The following SND1 variants were observed in gnomAD, a reference collection of about 807,000 sequenced individuals.
SND1 encodes staphylococcal nuclease and tudor domain containing 1.
Under a neutral mutation model 121.7 loss-of-function variants are expected in SND1, and 38 were observed. The ratio of observed to expected loss-of-function variants is 0.31; its 90% CI spans 0.24 to 0.41. The LOEUF (loss-of-function observed/expected upper bound fraction) is 0.41. Ranked by LOEUF, SND1 falls within the 10% of genes least tolerant of loss-of-function variation. The probability of loss-of-function intolerance (pLI) is 1.00; values close to 1 mark genes in which losing one functional copy is unlikely to be tolerated. For missense variants in SND1, 868 were observed against 1,184.6 expected, an observed-to-expected ratio of 0.73 and a Z score of 3.92; for synonymous variants, 401 against 447.4, an observed-to-expected ratio of 0.90 and a Z score of 1.31.
chr7:127,801,886 C>A lies in SND1; in HGVS notation c.1153-5598C>A, dbSNP rs10228070. On this transcript the variant is annotated intron_variant, in intron 10 of 23. Coordinates refer to ENST00000354725, the MANE Select transcript of SND1 (RefSeq NM_014390.4). The stretch of plus-strand genomic sequence containing the variant: ...AGACAGAGTCTTGCTCTGTCGCCCC[C>A]GCTGGAGTGCAGTGGCGCGATCTCA... Among the ~76,000 whole-genome samples, 6 of 152,016 alleles carry A rather than the reference C, an allele frequency of 3.9e-5. No individual in the cohort carries two copies. In the East Asian group the frequency reaches 7.7e-4, roughly 20 times the overall value.
intron 10 of SND1, among the ~76,000 whole-genome samples, chr7:127,741,590 A>ACTAT (rs2116435362): frequency 1.3e-5 from 2 of 152,222 alleles, no homozygotes; most frequent in African/African-American, 4.8e-5. Context: ...TTGCTTGGTG[A>ACTAT]GGTGCTTCTC....
chr7:127,732,028 G>A (rs1252438577), intron 10 of SND1, among the ~76,000 whole-genome samples: 1 of 152,212 alleles, frequency 6.6e-6, no homozygotes. Context: ...AGTGGAGTGT[G>A]CTCCTGTGGG....
intron 10 of SND1, among the ~76,000 whole-genome samples, chr7:127,765,557 T>C (rs2116486037): frequency 6.6e-6 from 1 of 152,382 alleles, no homozygotes; most frequent in East Asian, 1.9e-4. Flanking sequence ...TCTCAATCTC[T>C]TGTAAGTGCT....
rs1563070280 is a variant in SND1, at chr7:127,956,878, A to G, written c.1669+27549A>G. 2.6e-5 allele frequency among the ~76,000 whole-genome samples: 4 copies of G among 152,268 alleles called. No homozygotes were observed. The South Asian group carries it at 8.3e-4, about 32-fold the overall frequency. On this transcript the variant is annotated intron_variant, in intron 15 of 23. Coordinates refer to ENST00000354725, the MANE Select transcript of SND1 (RefSeq NM_014390.4). ...GTATAATTTACTTGCTTCTTTTACT[A>G]TCTTTTCCCCCTCTTCAGAATATAA...
intron 11 of SND1, 65 bp from the exon 12 acceptor site, chr7:127,844,259 A>C (rs1799017222): frequency 2.4e-6 from 3 of 1,273,150 alleles, no homozygotes; most frequent in Middle Eastern, 3.7e-4. Flanking sequence ...GAGCAGGCAC[A>C]TGTGGCTGCT....
intron 10 of SND1, among the ~76,000 whole-genome samples, chr7:127,798,827 T>C (rs1798074855): frequency 6.6e-6 from 1 of 152,148 alleles, no homozygotes; most frequent in Non-Finnish European, 1.5e-5. Context: ...GGAGGATCAC[T>C]TGAACCCAGG....
intron 14 of SND1, among the ~76,000 whole-genome samples, chr7:127,916,947 G>A (rs908469912): frequency 2.0e-5 from 3 of 152,180 alleles, no homozygotes; most frequent in African/African-American, 4.8e-5. Flanking sequence ...TAATGATGGC[G>A]TCTATGTAGT....
chr7:127,704,943 G>A lies in SND1; in HGVS notation c.945G>A (p.Glu315=). 1 of 1,613,764 alleles carries A rather than the reference G, an allele frequency of 6.2e-7. No individual in the cohort carries two copies. The change falls in exon 8 of 24, where the codon GAG becomes GAA. Residue 315 remains glutamate, a splice_region_variant and synonymous_variant. Coordinates refer to ENST00000354725, the MANE Select transcript of SND1 (RefSeq NM_014390.4). ...TRGAEKLRAA[E]RFAKERRLRI... ...GCGCAGAAAAGCTGAGGGCGGCAGA[G>A]AGGTAAGGTCTGTCCAAGAGGCCTT...
At chr7:127,656,334 T>G (rs1017604904) in intron 1 of SND1, among the ~76,000 whole-genome samples, 6 of 151,318 alleles carry the variant, frequency 4.0e-5, no homozygotes, top group Non-Finnish European at 8.9e-5. Context: ...CTTTTTTTTT[T>G]TTTTTTAAGA....
chr7:127,686,831 T>C, intron 2 of SND1, 69 bp downstream of exon 2: 2 of 1,519,024 alleles, frequency 1.3e-6, no homozygotes, highest in Non-Finnish European at 1.8e-6. Context: ...CTGTCGCTGA[T>C]GCCATTTTGA....
chr7:127,847,198 G>C (rs574568824), intron 12 of SND1, among the ~76,000 whole-genome samples: 7 of 152,108 alleles, frequency 4.6e-5, no homozygotes, highest in Admixed American at 4.6e-4. Context: ...CTTGAACCCC[G>C]GAGGCGGGAG....
intron 15 of SND1, among the ~76,000 whole-genome samples, chr7:127,940,633 A>G (rs531460344): frequency 6.6e-6 from 1 of 152,334 alleles, no homozygotes; most frequent in Non-Finnish European, 1.5e-5. Context: ...ACTGGGTTTA[A>G]AAAATAAATA....
At chr7:127,792,909 C>T (rs1797939544) in intron 10 of SND1, among the ~76,000 whole-genome samples, 1 of 152,232 alleles carries the variant, frequency 6.6e-6, no homozygotes, top group African/African-American at 2.4e-5. Context: ...CCCCTTCTTC[C>T]AGTTCTGGCT....
rs1401217201 is a variant in SND1, at chr7:128,089,683, C to A, written c.2613C>A (p.Phe871Leu). The change falls in exon 22 of 24, where the codon TTC becomes TTA. Residue 871 changes from phenylalanine to leucine, a missense_variant. Physicochemically the swap from Phe to Leu is conservative, Grantham distance 22. Transcript: ENST00000354725. Reference sequence around the variant, plus strand: ...TGGAGGTGCGCAAGGAGAAACAGTTCCAGAAAGTGGTATGTGATGTGGAGA... The same window carrying A: ...TGGAGGTGCGCAAGGAGAAACAGTTACAGAAAGTGGTATGTGATGTGGAGA... ...VMVEVRKEKQ[F>L]QKVITEYLNA... is the part of the protein sequence containing the mutation. 1 of 1,613,870 alleles carries A rather than the reference C, an allele frequency of 6.2e-7. No individual in the cohort carries two copies. Among genetic ancestry groups the A allele is most frequent in the African/African-American group, 1.3e-5 (1 of 74,882 alleles).
chr7:127,661,141 G>A (rs1253192577), intron 1 of SND1, among the ~76,000 whole-genome samples: 5 of 152,098 alleles, frequency 3.3e-5, no homozygotes, highest in Admixed American at 6.6e-5. Flanking sequence ...CTTTCTCTTC[G>A]CGTTTGTCTT....
At chr7:128,024,069 T>C (rs968067970) in intron 16 of SND1, among the ~76,000 whole-genome samples, 4 of 150,818 alleles carry the variant, frequency 2.7e-5, no homozygotes, top group Admixed American at 2.7e-4. Context: ...TATTGCTGTG[T>C]GTGTGTGTGT....
rs558157050 is a variant in SND1 at position 127,820,101 on chromosome 7, G to A, written c.1242+12528G>A. ...CTTATGTTACCAGGTTAGGGTCAAA[G>A]CAGATCTTTTTATCTGAAATGTTTA... On this transcript the variant is annotated intron_variant, in intron 11 of 23. Transcript: ENST00000354725. 6.0e-4 allele frequency among the ~76,000 whole-genome samples: 91 copies of A among 152,314 alleles called. 1 individual carries two copies. Among genetic ancestry groups the A allele is most frequent in the East Asian group, 3.3e-3 (17 of 5,192 alleles).
chr7:127,702,439 C>G lies in SND1; in HGVS notation c.594C>G (p.Ile198Met). 6.2e-7 allele frequency: 1 copy of G among 1,613,996 alleles called. No individual in the cohort carries two copies. Among genetic ancestry groups the G allele is most frequent in the African/African-American group, 1.3e-5 (1 of 75,058 alleles). Residue 198 changes from isoleucine to methionine, a missense_variant, in exon 6 of 24, where the codon ATC (isoleucine) becomes ATG (methionine). Around this residue, in one of 2 missense-constraint regions of SND1, gnomAD observed 743 missense variants for 1,071.3 expected, o/e 0.69. Coordinates refer to ENST00000354725, the MANE Select transcript of SND1 (RefSeq NM_014390.4). Reference sequence around the variant, plus strand: ...GCTGTTTATTCTGTCACACAGCTATCATCGAGCATGTGCGGGACGGCAGTG... The same window carrying G: ...GCTGTTTATTCTGTCACACAGCTATGATCGAGCATGTGCGGGACGGCAGTG... ...DSHHQKPVNA[I>M]IEHVRDGSVV... is the part of the protein sequence containing the mutation.
intron 16 of SND1, among the ~76,000 whole-genome samples, chr7:128,072,034 C>A (rs770060553): frequency 2.0e-5 from 3 of 152,200 alleles, no homozygotes; most frequent in African/African-American, 7.2e-5. Context: ...GTGTTGGCCC[C>A]AGGTGTGGCT....
Sources: allele counts gnomAD v4.1 joint callset (sites outside exome capture counted in the v4.1 genomes callset), GRCh38; gene constraint gnomAD v4.1.1; regional missense constraint gnomAD v4.1.1; transcripts MANE v1.5; gene names NCBI Gene and HGNC (gene_info 2026-07-23, HGNC 2026-07-21).